The following CHN2 variants were observed in gnomAD, a reference collection of about 807,000 sequenced individuals.
CHN2 encodes the protein beta-chimaerin.
CHN2 carries 35 observed loss-of-function variants against 56.3 expected under a neutral mutation model. The observed-to-expected ratio is 0.62, with a 90% CI of 0.47 to 0.82. The LOEUF (loss-of-function observed/expected upper bound fraction) is 0.82, where lower values mean the gene tolerates loss of function less well. Ranked by LOEUF, CHN2 falls within the 40% of genes least tolerant of loss-of-function variation. The probability of loss-of-function intolerance (pLI) is 0.00; values close to 1 mark genes in which losing one functional copy is unlikely to be tolerated. For synonymous variants in CHN2, 210 were observed against 212.8 expected (o/e 0.99, Z 0.12); for missense variants, 491 against 580.5 (o/e 0.85, Z 1.58).
chr7:29,467,674 G>C (rs1018689847), intron 6 of CHN2, among the ~76,000 whole-genome samples: 8 of 152,208 alleles, frequency 5.3e-5, no homozygotes, highest in Admixed American at 6.5e-5. Context: ...ATCACATGAA[G>C]TTTAAGAGAA....
intron 1 of CHN2, among the ~76,000 whole-genome samples, chr7:29,198,864 A>G (rs1584704549): frequency 6.6e-6 from 1 of 152,232 alleles, no homozygotes; most frequent in Admixed American, 6.5e-5. Flanking sequence ...AGATGTTCTC[A>G]GTAACTGAAA....
At chr7:29,186,933 T>G (rs1798785782) in intron 2 of CHN2, among the ~76,000 whole-genome samples, 1 of 152,190 alleles carries the variant, frequency 6.6e-6, no homozygotes, top group Admixed American at 6.5e-5. Context: ...TTGAGCATTT[T>G]AATTAAGATA....
At chr7:29,460,994 A>G (rs1466737744) in intron 6 of CHN2, among the ~76,000 whole-genome samples, 1 of 152,232 alleles carries the variant, frequency 6.6e-6, no homozygotes, top group African/African-American at 2.4e-5. Flanking sequence ...TCCACATCAC[A>G]ATAATGATTT....
At position 29,512,821 on chromosome 7, in the gene CHN2, T is replaced by G; in HGVS notation, c.*86T>G. 1.4e-6 allele frequency: 2 copies of G among 1,443,900 alleles called. No individual in the cohort carries two copies. The highest frequency in any genetic ancestry group is 9.3e-7 in the Non-Finnish European group (1 of 1,069,816). The allele number at this position is 1,443,900 out of a possible 1,614,324, so 89.4% of individuals were successfully genotyped here. On this transcript the variant is annotated 3_prime_UTR_variant, in exon 13 of 13. Coordinates refer to ENST00000222792, the MANE Select transcript of CHN2 (RefSeq NM_004067.4). ...TAAAAACATTTCTTACCACTTGATT[T>G]GTTTTCCAAGCAAGTGCTAGAATTT... is the stretch of plus-strand genomic sequence containing the variant.
intron 2 of CHN2, among the ~76,000 whole-genome samples, chr7:29,166,221 G>A (rs1453471985): frequency 6.6e-6 from 1 of 151,968 alleles, no homozygotes; most frequent in Non-Finnish European, 1.5e-5. Context: ...TTTTGTAGAG[G>A]TGGGGTCTCA....
At chr7:29,177,702 TCATC>T (rs993855741) in intron 2 of CHN2, among the ~76,000 whole-genome samples, 1 of 151,908 alleles carries the variant, frequency 6.6e-6, no homozygotes, top group African/African-American at 2.4e-5. Flanking sequence ...ATCTGTGCAG[TCATC>T]CATCCATCCA....
At chr7:29,375,186 G>C (rs1370562953) in intron 3 of CHN2, among the ~76,000 whole-genome samples, 3 of 119,228 alleles carry the variant, frequency 2.5e-5, no homozygotes, top group African/African-American at 6.6e-5. Context: ...CACCGTGCTC[G>C]GCCCTTTTTT....
intron 2 of CHN2, among the ~76,000 whole-genome samples, chr7:29,148,901 G>A (rs558111173): frequency 3.9e-4 from 59 of 152,224 alleles, no homozygotes; most frequent in African/African-American, 1.3e-3. Flanking sequence ...TGCCCGAAGA[G>A]CCAGGGGAAT....
At position 29,273,329 on chromosome 7, in the gene CHN2, ATATATATATATGTG is replaced by A. The variant is rs1163285649; in HGVS notation, c.49+78351_49+78364del. The stretch of plus-strand genomic sequence containing the variant: ...GGCTGAATAATATTCCATCATGCAT[ATATATATATATGTG>A]TATATATATATATATATATATATAT... On this transcript the variant is annotated intron_variant, in intron 1 of 12. Transcript: ENST00000222792. Among the ~76,000 whole-genome samples the A allele has an allele frequency of 2.0e-4, 19 of 95,716 alleles. 1 individual carries two copies. Among genetic ancestry groups the A allele is most frequent in the African/African-American group, 1.1e-3 (19 of 16,898 alleles). The allele number at this position is 95,716 out of a possible 152,430, so 62.8% of individuals were successfully genotyped here. A position where few individuals can be genotyped will look rare whatever the true frequency, so the allele number is the denominator to read the frequency against.
intron 1 of CHN2, among the ~76,000 whole-genome samples, chr7:29,302,282 T>C (rs13239432): frequency 2.7e-3 from 232 of 86,732 alleles, no homozygotes; most frequent in Non-Finnish European, 4.4e-3. Context: ...CTTCCTCCTC[T>C]TCTTCTTCCT....
chr7:29,249,846 G>A (rs1788358378), intron 1 of CHN2, among the ~76,000 whole-genome samples: 1 of 152,170 alleles, frequency 6.6e-6, no homozygotes, highest in Non-Finnish European at 1.5e-5. Context: ...TTTCAGGAAT[G>A]GTAGCGACAT....
intron 2 of CHN2, among the ~76,000 whole-genome samples, chr7:29,157,166 C>T (rs1270113399): frequency 6.6e-6 from 1 of 152,198 alleles, no homozygotes; most frequent in Non-Finnish European, 1.5e-5. Context: ...TTTTCTCCCA[C>T]TTAACATCCT....
intron 1 of CHN2, among the ~76,000 whole-genome samples, chr7:29,237,705 G>T (rs1787306544): frequency 6.6e-6 from 1 of 152,138 alleles, no homozygotes; most frequent in Non-Finnish European, 1.5e-5. Flanking sequence ...AGGAGATTAG[G>T]CAATAGAGCT....
At chr7:29,511,539 CTG>C (rs1791399287) in intron 12 of CHN2, among the ~76,000 whole-genome samples, 2 of 152,154 alleles carry the variant, frequency 1.3e-5, no homozygotes, top group Non-Finnish European at 2.9e-5. Context: ...TAAGAGGAAA[CTG>C]TGGGCACTTT....
chr7:29,274,414 A>C (rs116925573), intron 1 of CHN2, among the ~76,000 whole-genome samples: 3,010 of 152,352 alleles, frequency 0.02, 44 homozygotes, highest in Non-Finnish European at 0.031. Context: ...CCAGTACCCA[A>C]GGGCAGCTTA....
intron 1 of CHN2, among the ~76,000 whole-genome samples, chr7:29,346,688 G>T (rs1002684717): frequency 1.3e-5 from 2 of 152,088 alleles, no homozygotes; most frequent in African/African-American, 2.4e-5. Context: ...TGAAACTTTG[G>T]CTCCTTTCAT....
intron 2 of CHN2, among the ~76,000 whole-genome samples, chr7:29,359,605 A>G (rs902759511): frequency 6.6e-6 from 1 of 152,192 alleles, no homozygotes. Context: ...TTTCCATAAA[A>G]TAATCTTGTC....
intron 6 of CHN2, among the ~76,000 whole-genome samples, chr7:29,415,566 G>A (rs1016826512): frequency 5.9e-5 from 9 of 152,214 alleles, no homozygotes; most frequent in South Asian, 2.1e-4. Context: ...GAGTAGTTGG[G>A]CCAGCCTCGG....
chr7:29,472,013 G>T (rs923557009), intron 6 of CHN2, among the ~76,000 whole-genome samples: 2 of 152,126 alleles, frequency 1.3e-5, no homozygotes, highest in Non-Finnish European at 2.9e-5. Context: ...GGAAAGGCAA[G>T]GATGATTCAT....
Sources: allele counts gnomAD v4.1 joint callset (sites outside exome capture counted in the v4.1 genomes callset), GRCh38; gene constraint gnomAD v4.1.1; transcripts MANE v1.5; gene names NCBI Gene and HGNC (gene_info 2026-07-23, HGNC 2026-07-21).